The following POU2F2 variants were observed in gnomAD, a reference collection of about 807,000 sequenced individuals.
POU2F2 encodes the protein POU class 2 homeobox 2.
POU2F2 carries 14 observed loss-of-function variants against 63.5 expected under a neutral mutation model. That is an observed-to-expected ratio of 0.22 (90% CI 0.15 to 0.34). The LOEUF is 0.34. Ranked by LOEUF, POU2F2 falls within the 10% of genes least tolerant of loss-of-function variation. The probability of loss-of-function intolerance (pLI) is 1.00; values close to 1 mark genes in which losing one functional copy is unlikely to be tolerated. For missense variants in POU2F2, 607 were observed against 815.2 expected (o/e 0.74, Z 3.11); for synonymous variants, 306 against 348.6 (o/e 0.88, Z 1.36).
intron 5 of POU2F2, among the ~76,000 whole-genome samples, chr19:42,109,269 C>T (rs1001099119): frequency 6.6e-6 from 1 of 152,212 alleles, no homozygotes; most frequent in Admixed American, 6.5e-5. Flanking sequence ...CATGGCCTCT[C>T]GCGCCCCCAT....
intron 1 of POU2F2, among the ~76,000 whole-genome samples, chr19:42,194,537 T>C (rs1346439103): frequency 1.3e-5 from 2 of 151,454 alleles, no homozygotes; most frequent in Non-Finnish European, 2.9e-5. Context: ...GGCTGGCGGA[T>C]CACCTGAGAT....
At chr19:42,105,983 A>G (rs1217701654) in intron 5 of POU2F2, among the ~76,000 whole-genome samples, 1 of 147,100 alleles carries the variant, frequency 6.8e-6, no homozygotes, top group Non-Finnish European at 1.5e-5. Flanking sequence ...AACATATGAT[A>G]TATAGGATCT....
At chr19:42,138,087 T>C (rs918410631) in intron 2 of POU2F2, among the ~76,000 whole-genome samples, 7 of 151,532 alleles carry the variant, frequency 4.6e-5, no homozygotes, top group African/African-American at 1.7e-4. Flanking sequence ...AGCAGGGGAG[T>C]GGCATGGTTC....
Position 42,120,218 on chromosome 19 carries a change from C to CTT in POU2F2, c.186+1906_186+1907dup, listed in dbSNP as rs60956281. On this transcript the variant is annotated intron_variant, in intron 4 of 14. Transcript: ENST00000692977. ...GAGCCACTGCATCTGGCCTAATCTC[C>CTT]TTTTTTTTTTTTTTTTGAGCTGGAG... Among the ~76,000 whole-genome samples the CTT allele has an allele frequency of 7.2e-3, 999 of 139,122 alleles. 19 individuals carry two copies. Among genetic ancestry groups the CTT allele is most frequent in the African/African-American group, 0.026 (952 of 37,276 alleles). 91.3% of individuals were successfully genotyped at this position (139,122 alleles called of 152,430 possible).
intron 2 of POU2F2, among the ~76,000 whole-genome samples, chr19:42,141,473 C>CTTTTTTT (rs58221767): frequency 3.0e-5 from 3 of 98,976 alleles, no homozygotes; most frequent in African/African-American, 8.5e-5. Flanking sequence ...CTTAATTAAT[C>CTTTTTTT]TTTTTTTTTT....
chr19:42,194,457 G>A (rs2035107136), intron 1 of POU2F2, among the ~76,000 whole-genome samples: 1 of 148,268 alleles, frequency 6.7e-6, no homozygotes, highest in Admixed American at 6.7e-5. Context: ...GGAAGGAAGG[G>A]AGGAAGAAAG....
intron 1 of POU2F2, 70 bp from the exon 2 acceptor site, chr19:42,122,646 C>T (rs890380141): frequency 1.3e-5 from 18 of 1,351,518 alleles, no homozygotes; most frequent in Admixed American, 7.1e-5. Context: ...GCCCCCATTC[C>T]ACCACACTCC....
chr19:42,094,928 A>G (rs2076861355), intron 11 of POU2F2, among the ~76,000 whole-genome samples: 1 of 152,040 alleles, frequency 6.6e-6, no homozygotes, highest in Non-Finnish European at 1.5e-5. Flanking sequence ...GGGTGTGACA[A>G]TTTCCCCGAA....
chr19:42,132,890 T>C (rs1363017499), upstream of POU2F2: 1 of 157,852 alleles, frequency 6.3e-6, no homozygotes, highest in Non-Finnish European at 1.4e-5. Flanking sequence ...CACTCTTATT[T>C]GCCCCATTTT....
intron 1 of POU2F2, among the ~76,000 whole-genome samples, chr19:42,184,167 T>C (rs2034990980): frequency 6.6e-6 from 1 of 152,056 alleles, no homozygotes; most frequent in Admixed American, 6.6e-5. Context: ...ATTTTTGTAT[T>C]TTGTGGTAGA....
At chr19:42,147,762 G>T (rs527326946) in intron 2 of POU2F2, among the ~76,000 whole-genome samples, 2 of 152,190 alleles carry the variant, frequency 1.3e-5, no homozygotes, top group African/African-American at 4.8e-5. Flanking sequence ...TTGACAGTGC[G>T]TTGGGAAAAA....
rs1425535307 is a variant in POU2F2 at position 42,095,719 on chromosome 19, TGAG to T, written c.872-29_872-27del. 6.2e-7 allele frequency: 1 copy of T among 1,611,994 alleles called. No homozygotes were observed. Among genetic ancestry groups the T allele is most frequent in the African/African-American group, 1.3e-5 (1 of 74,992 alleles). On this transcript the variant is annotated intron_variant, in intron 9 of 14. Transcript: ENST00000692977. This position sits in a 1 kb window ranked among gnomAD's most constrained non-coding sequence, Gnocchi z 7.1. ...CTGTGCGCCGGGGGAGACGTGAGCA[TGAG>T]AAGGGGCCTCCCGCGGCCAGCGGCC...
chr19:42,132,447 G>C, upstream of POU2F2: 1 of 1,454,550 alleles, frequency 6.9e-7, no homozygotes, highest in Non-Finnish European at 9.1e-7. Flanking sequence ...GAACAACTGT[G>C]TCATCTCCCC....
chr19:42,091,526 C>A lies in POU2F2; in HGVS notation c.1606G>T (p.Ala536Ser), dbSNP rs554346796. Residue 536 changes from alanine to serine, a missense_variant, in exon 15 of 15, where the codon GCA becomes TCA. Physicochemically the swap from Ala to Ser is moderately conservative, Grantham distance 99 (BLOSUM62 1). Around this residue, in one of 7 missense-constraint regions of POU2F2, gnomAD observed 270 missense variants for 307.5 expected, o/e 0.88. Coordinates refer to ENST00000692977, the MANE Select transcript of POU2F2 (RefSeq NM_001394376.1). ...GGGCTCCCCGGGGCTGCACCGGCTG[C>A]CCCCAGCACCAGATTCCCGCTGCCA... ...LDGSGNLVLG[A>S]AGAAPGSPGL... The A allele has an allele frequency of 3.2e-6, 5 of 1,546,102 alleles. No homozygotes were observed. In the East Asian group the frequency reaches 1.2e-4, roughly 38 times the overall value.
chr19:42,106,036 TTTCTTTCTTTCTTTC>T (rs1311319398), intron 5 of POU2F2, among the ~76,000 whole-genome samples: 3 of 149,202 alleles, frequency 2.0e-5, no homozygotes, highest in Admixed American at 6.7e-5. Flanking sequence ...TCTTTCTTTC[TTTCTTTCTTTCTTTC>T]TTCTTTCTTT....
At chr19:42,167,742 G>T (rs1043147435) in intron 1 of POU2F2, among the ~76,000 whole-genome samples, 1 of 152,166 alleles carries the variant, frequency 6.6e-6, no homozygotes, top group Non-Finnish European at 1.5e-5. Flanking sequence ...TCTCTCTGTG[G>T]CAGGTGAGGG....
chr19:42,121,528 G>T (rs1600117246), intron 4 of POU2F2, among the ~76,000 whole-genome samples: 1 of 152,224 alleles, frequency 6.6e-6, no homozygotes, highest in South Asian at 2.1e-4. Flanking sequence ...ACTGGTCAGG[G>T]TCTGGAGTCC....
chr19:42,129,548 C>T (rs1206931614), intron 1 of POU2F2, among the ~76,000 whole-genome samples: 2 of 152,212 alleles, frequency 1.3e-5, no homozygotes, highest in Non-Finnish European at 2.9e-5. Context: ...GAAAACGGGG[C>T]TAAATATAGA....
Position 42,156,104 on chromosome 19 carries a change from G to A in POU2F2, c.-9+4228C>T, listed in dbSNP as rs936852549. On this transcript the variant is annotated intron_variant, in intron 2 of 6. Coordinates refer to the POU2F2 transcript ENST00000524801. This position sits in a 1 kb window ranked among gnomAD's most constrained non-coding sequence, Gnocchi z 4.1. ...AGTGCTTCGAAGAGCCCTGAGGAAC[G>A]TCTCTCTATTTGAAGTCAGAGCCGA... 3 of 152,178 alleles carry A rather than the reference G, an allele frequency of 2.0e-5. No homozygotes were observed. Among genetic ancestry groups the A allele is most frequent in the Admixed American group, 6.5e-5 (1 of 15,280 alleles). 9.4% of individuals were successfully genotyped at this position (152,178 alleles called of 1,614,324 possible).
Sources: gnomAD v4.1 joint callset for allele counts (sites outside exome capture counted in the v4.1 genomes callset) on GRCh38, gnomAD v4.1.1 for gene constraint, gnomAD v4.1.1 regional missense constraint, Gnocchi (gnomAD v3.1) non-coding constraint, MANE v1.5 for transcripts, NCBI Gene and HGNC (gene_info 2026-07-23, HGNC 2026-07-21) for gene names.